The following B3GAT2 variants were observed in gnomAD, a reference collection of about 807,000 sequenced individuals.
B3GAT2 encodes the protein beta-1,3-glucuronyltransferase 2.
Under a neutral mutation model 27.8 loss-of-function variants are expected in B3GAT2, and 26 were observed. That is an observed-to-expected ratio of 0.93 (90% CI 0.68 to 1.30). The LOEUF is 1.30. Among genes scored for constraint, B3GAT2 ranks in the 50% most tolerant of loss-of-function variants. The pLI, the probability that B3GAT2 is intolerant of heterozygous loss-of-function variation, is 0.00. For missense variants in B3GAT2, 458 were observed against 459.0 expected, an observed-to-expected ratio of 1.00 and a Z score of 0.02; for synonymous variants, 218 against 195.1, an observed-to-expected ratio of 1.12 and a Z score of -0.98.
chr6:70,863,434 A>G (rs1290221388), intron 2 of B3GAT2, among the ~76,000 whole-genome samples: 1 of 152,226 alleles, frequency 6.6e-6, no homozygotes, highest in Non-Finnish European at 1.5e-5. Context: ...AGTGAAGCAG[A>G]ACAAAGAATC....
Position 70,857,574 on chromosome 6 carries a change from T to A in B3GAT2, c.*4089A>T. On this transcript the variant is annotated 3_prime_UTR_variant, in exon 4 of 4. Coordinates refer to ENST00000230053, the MANE Select transcript of B3GAT2 (RefSeq NM_080742.3). Reference sequence around the variant, plus strand: ...AAGCGAGATATAGTCAGCTCTCACTTCCCTGTTTCGTACTGGGGGACCAGT... The same window carrying A: ...AAGCGAGATATAGTCAGCTCTCACTACCCTGTTTCGTACTGGGGGACCAGT... 1 of 248,146 alleles carries A rather than the reference T, an allele frequency of 4.0e-6. No individual in the cohort carries two copies. Among genetic ancestry groups the A allele is most frequent in the Non-Finnish European group, 7.8e-6 (1 of 127,552 alleles). The allele number at this position is 248,146 out of a possible 1,614,324, so 15.4% of individuals were successfully genotyped here.
chr6:70,926,685 C>G (rs1056321090), intron 1 of B3GAT2, among the ~76,000 whole-genome samples: 1 of 152,056 alleles, frequency 6.6e-6, no homozygotes, highest in South Asian at 2.1e-4. Flanking sequence ...GTGAAAAGAC[C>G]AAATCTACGT....
At chr6:70,954,288 T>C (rs1765616467) in intron 1 of B3GAT2, among the ~76,000 whole-genome samples, 3 of 152,204 alleles carry the variant, frequency 2.0e-5, no homozygotes, top group Non-Finnish European at 4.4e-5. Flanking sequence ...ATGGTATCTC[T>C]AATCTTGGGT....
intron 1 of B3GAT2, among the ~76,000 whole-genome samples, chr6:70,945,108 C>A (rs1765457645): frequency 6.6e-6 from 1 of 152,080 alleles, no homozygotes; most frequent in African/African-American, 2.4e-5. Flanking sequence ...GTAGATAAAA[C>A]CACAAAGATG....
chr6:70,884,104 A>C (rs1381426467), intron 2 of B3GAT2, among the ~76,000 whole-genome samples: 1 of 146,782 alleles, frequency 6.8e-6, no homozygotes, highest in Non-Finnish European at 1.5e-5. Context: ...TCAAAAAAAA[A>C]AAAAAAAAAC....
At position 70,870,219 on chromosome 6, in the gene B3GAT2, T is replaced by G. The variant is rs1771911541; in HGVS notation, c.737-8241A>C. On this transcript the variant is annotated intron_variant, in intron 2 of 3. Transcript: ENST00000230053. ...TGGAATACTATGCAGCCATCAAAAA[T>G]GATGAGTTCATGTCCTTTGTAGGGA... is the stretch of plus-strand genomic sequence containing the variant. Among the ~76,000 whole-genome samples the G allele has an allele frequency of 2.0e-5, 3 of 151,752 alleles. No homozygotes were observed. In the South Asian group the frequency reaches 6.2e-4, roughly 32 times the overall value.
At chr6:70,931,759 T>G (rs916514314) in intron 1 of B3GAT2, among the ~76,000 whole-genome samples, 11 of 152,196 alleles carry the variant, frequency 7.2e-5, no homozygotes, top group African/African-American at 2.4e-4. Flanking sequence ...CATGATTTCT[T>G]AGATATATAA....
At chr6:70,922,759 G>A (rs553306351) in intron 1 of B3GAT2, among the ~76,000 whole-genome samples, 1 of 151,564 alleles carries the variant, frequency 6.6e-6, no homozygotes, top group East Asian at 1.9e-4. Flanking sequence ...TTCATCTCAA[G>A]AAACTAAAAA....
At chr6:70,914,684 C>G (rs1250453418) in intron 1 of B3GAT2, among the ~76,000 whole-genome samples, 1 of 152,040 alleles carries the variant, frequency 6.6e-6, no homozygotes, top group Non-Finnish European at 1.5e-5. Flanking sequence ...CCTGACATTC[C>G]TTCTTGATAT....
rs748154609 is a variant in B3GAT2, at chr6:70,861,799, C to T, written c.885+31G>A. 94 of 1,613,968 alleles carry T rather than the reference C, an allele frequency of 5.8e-5. 1 individual carries two copies. The South Asian group carries it at 7.7e-4, about 13-fold the overall frequency. Reference sequence around the variant, plus strand: ...GTAGCGCACTCTTCATGGTGACACTCGAGGTCGGGCAGCACAAGTGTAATG... The same window carrying T: ...GTAGCGCACTCTTCATGGTGACACTTGAGGTCGGGCAGCACAAGTGTAATG... On this transcript the variant is annotated intron_variant, in intron 3 of 3. Coordinates refer to ENST00000230053, the MANE Select transcript of B3GAT2 (RefSeq NM_080742.3).
At chr6:70,919,456 T>C (rs922298120) in intron 1 of B3GAT2, among the ~76,000 whole-genome samples, 1 of 152,118 alleles carries the variant, frequency 6.6e-6, no homozygotes, top group Non-Finnish European at 1.5e-5. Flanking sequence ...TGGCGAGGAG[T>C]TGTGATCCTT....
chr6:70,916,717 G>A (rs1582378454), intron 1 of B3GAT2, among the ~76,000 whole-genome samples: 1 of 152,166 alleles, frequency 6.6e-6, no homozygotes, highest in African/African-American at 2.4e-5. Context: ...TGCCTATGTT[G>A]AACCAGCCTT....
intron 1 of B3GAT2, among the ~76,000 whole-genome samples, chr6:70,916,516 T>C (rs975175487): frequency 6.6e-6 from 1 of 151,586 alleles, no homozygotes; most frequent in Non-Finnish European, 1.5e-5. Flanking sequence ...GCCCATTCAG[T>C]ATATTGGCTG....
Position 70,955,865 on chromosome 6 carries a change from T to A in B3GAT2, c.565A>T (p.Thr189Ser). 1 of 1,602,884 alleles carries A rather than the reference T, an allele frequency of 6.2e-7. No homozygotes were observed. The highest frequency in any genetic ancestry group is 1.1e-5 in the South Asian group (1 of 89,846). The change falls in exon 1 of 4, where the codon ACC (threonine) becomes TCC (serine). Residue 189 changes from threonine (T) to serine (S), a missense_variant. Transcript: ENST00000230053. The part of the protein sequence containing the change: ...GVLFFADDDN[T>S]YSLELFQEMR... ...TCCTGGAAGAGCTCCAGACTATAGG[T>A]GTTGTCGTCGTCAGCGAAGAAGAGC...
At chr6:70,903,051 A>G (rs537015018) in intron 1 of B3GAT2, among the ~76,000 whole-genome samples, 1 of 152,282 alleles carries the variant, frequency 6.6e-6, no homozygotes, top group South Asian at 2.1e-4. Flanking sequence ...CAAAAAAATG[A>G]TAACCATGTG....
chr6:70,862,932 G>A (rs1279186082), intron 2 of B3GAT2, among the ~76,000 whole-genome samples: 2 of 152,128 alleles, frequency 1.3e-5, no homozygotes, highest in African/African-American at 4.8e-5. Context: ...AGCTATGACT[G>A]TGCCACTGCA....
chr6:70,860,295 C>A lies in B3GAT2; in HGVS notation c.*1368G>T. On this transcript the variant is annotated 3_prime_UTR_variant, in exon 4 of 4. Transcript: ENST00000230053. ...GCACAACAGCAGGATGGTCTGGAAG[C>A]TCATCAGGTCAGACTCTCAGCACAC... 6.2e-7 allele frequency: 1 copy of A among 1,613,570 alleles called. No individual in the cohort carries two copies. The highest frequency in any genetic ancestry group is 8.5e-7 in the Non-Finnish European group (1 of 1,179,772).
chr6:70,857,066 C>A lies in B3GAT2; in HGVS notation c.*4597G>T. 1 of 1,551,304 alleles carries A rather than the reference C, an allele frequency of 6.4e-7. No homozygotes were observed. The highest frequency in any genetic ancestry group is 8.7e-7 in the Non-Finnish European group (1 of 1,143,064). On this transcript the variant is annotated 3_prime_UTR_variant, in exon 4 of 4. Transcript: ENST00000230053. ...TTGATATCTGCTTTCAGTGACATTA[C>A]TAGAAGTACATCCTTTGTAATTATA... is the stretch of plus-strand genomic sequence containing the variant.
At chr6:70,933,504 C>T (rs1773092144) in intron 1 of B3GAT2, among the ~76,000 whole-genome samples, 1 of 152,202 alleles carries the variant, frequency 6.6e-6, no homozygotes, top group Non-Finnish European at 1.5e-5. Flanking sequence ...AAGGCTGCAG[C>T]TCCTCTGATA....
Sources: gnomAD v4.1 joint callset for allele counts (sites outside exome capture counted in the v4.1 genomes callset) on GRCh38, gnomAD v4.1.1 for gene constraint, MANE v1.5 for transcripts, NCBI Gene and HGNC (gene_info 2026-07-23, HGNC 2026-07-21) for gene names.